The following RAD54L variants were observed in gnomAD, a reference collection of about 807,000 sequenced individuals.
RAD54L encodes DNA repair and recombination protein RAD54-like.
Under a neutral mutation model 91.6 loss-of-function variants are expected in RAD54L, and 74 were observed. The ratio of observed to expected loss-of-function variants is 0.81; its 90% CI spans 0.67 to 0.98. The LOEUF (loss-of-function observed/expected upper bound fraction) is 0.98. Among genes scored for constraint, RAD54L ranks in the 50% least tolerant of loss-of-function variants. RAD54L has a pLI of 0.00. For synonymous variants in RAD54L, 304 were observed against 349.7 expected (o/e 0.87, Z 1.46); for missense variants, 887 against 945.7 (o/e 0.94, Z 0.81).
At chr1:46,268,095 C>T (rs1462875248) in intron 9 of RAD54L, among the ~76,000 whole-genome samples, 1 of 152,044 alleles carries the variant, frequency 6.6e-6, no homozygotes, top group East Asian at 1.9e-4. Context: ...AAAATCTACC[C>T]AATAACTCCT....
At position 46,263,725 on chromosome 1, in the gene RAD54L, A is replaced by G. The variant is rs562998042; in HGVS notation, c.891+2340A>G. Among the ~76,000 whole-genome samples the G allele has an allele frequency of 5.9e-5, 9 of 152,102 alleles. No homozygotes were observed. Among genetic ancestry groups the G allele is most frequent in the Non-Finnish European group, 1.3e-4 (9 of 68,012 alleles). ...GGGACTATGCCAGGAGCCAGGTCCAAAGCATTGTGGGAGAGGAAGGCAGGC... is the reference window on the plus strand; with the variant it reads ...GGGACTATGCCAGGAGCCAGGTCCAGAGCATTGTGGGAGAGGAAGGCAGGC... On this transcript the variant is annotated intron_variant, in intron 8 of 17. Transcript: ENST00000371975. The surrounding 1 kb of genome is among the most constrained non-coding windows in gnomAD (Gnocchi z 4.3).
rs201470536 is a variant in RAD54L, at chr1:46,253,984, C to CT, written c.210+3873dup. Among the ~76,000 whole-genome samples the CT allele has an allele frequency of 1.2e-4, 18 of 151,086 alleles. 1 individual carries two copies. Among genetic ancestry groups the CT allele is most frequent in the Admixed American group, 7.9e-4 (12 of 15,164 alleles). Reference sequence around the variant, plus strand: ...GCAGTCTTTTTTGTTTTTGTTTTTTCTTTTTTTTGATAGGGAGTCTTGCTC... The same window carrying CT: ...GCAGTCTTTTTTGTTTTTGTTTTTTCTTTTTTTTTGATAGGGAGTCTTGCTC... On this transcript the variant is annotated intron_variant, in intron 3 of 17. Transcript: ENST00000371975.
Position 46,261,344 on chromosome 1 carries a change from G to A in RAD54L, c.850G>A (p.Val284Ile). The change falls in exon 8 of 18, where the codon GTC (valine) becomes ATC (isoleucine). Residue 284 changes from valine (V) to isoleucine (I), a missense_variant. Val to Ile is a conservative substitution (Grantham distance 29). Transcript: ENST00000371975. ...TGAGACCTTCCGCCTTCATGTTGGA[G>A]TCCTCCAGAAAGGAAGTGTTGGTCT... ...SYETFRLHVG[V>I]LQKGSVGLVI... The A allele has an allele frequency of 6.2e-7, 1 of 1,613,974 alleles. No individual in the cohort carries two copies. The highest frequency in any genetic ancestry group is 1.1e-5 in the South Asian group (1 of 91,066).
Position 46,248,307 on chromosome 1 carries a change from C to T in RAD54L, c.-99C>T, listed in dbSNP as rs1571708219. The T allele has an allele frequency of 7.0e-7, 1 of 1,426,292 alleles. No homozygotes were observed. The highest frequency in any genetic ancestry group is 1.8e-5 in the Admixed American group (1 of 54,680). The allele number at this position is 1,426,292 out of a possible 1,614,324, so 88.4% of individuals were successfully genotyped here. A position where few individuals can be genotyped will look rare whatever the true frequency, so the allele number is the denominator to read the frequency against. On this transcript the variant is annotated 5_prime_UTR_variant, in exon 1 of 18. Transcript: ENST00000371975. ...CCGGTCCTCTCAATAATGTAGCAGC[C>T]CCCTCTACAGATTAGACCCTGGTCC... is the stretch of plus-strand genomic sequence containing the variant.
At chr1:46,258,827 A>G (rs957373260) in intron 4 of RAD54L, 81 bp downstream of exon 4, 8 of 1,176,360 alleles carry the variant, frequency 6.8e-6, no homozygotes, top group African/African-American at 1.5e-5. Flanking sequence ...TTTTGTAAAT[A>G]CAAGCTTAGC....
chr1:46,248,722 A>T (rs1659719185), intron 2 of RAD54L, 124 bp downstream of exon 2: 1 of 822,834 alleles, frequency 1.2e-6, no homozygotes. Flanking sequence ...ATAAACTTTT[A>T]GTGAGTACTT....
chr1:46,259,172 CTCTCT>C (rs1268374651), intron 4 of RAD54L, among the ~76,000 whole-genome samples: 3 of 151,688 alleles, frequency 2.0e-5, no homozygotes, highest in Admixed American at 6.6e-5. Context: ...CTTTCTCTCT[CTCTCT>C]TTTTTTTTTT....
chr1:46,262,798 C>G (rs765147749), intron 8 of RAD54L, among the ~76,000 whole-genome samples: 8 of 152,032 alleles, frequency 5.3e-5, no homozygotes, highest in Non-Finnish European at 1.2e-4. Flanking sequence ...CTTAGCTTTT[C>G]CCTTTGGCAT....
intron 3 of RAD54L, among the ~76,000 whole-genome samples, chr1:46,257,143 CAA>C (rs576146179): frequency 0.021 from 1,129 of 54,350 alleles, 5 homozygotes; most frequent in African/African-American, 0.06. Flanking sequence ...GACTCCATCT[CAA>C]AAAAAAAAAA....
chr1:46,270,128 G>C (rs1660379875), intron 9 of RAD54L, among the ~76,000 whole-genome samples: 1 of 151,988 alleles, frequency 6.6e-6, no homozygotes, highest in African/African-American at 2.4e-5. Context: ...CCAGCACTTT[G>C]GGAGGCTGAG....
At chr1:46,249,883 C>T in intron 2 of RAD54L, 117 bp from the exon 3 acceptor site, 5 of 1,079,606 alleles carry the variant, frequency 4.6e-6, no homozygotes, top group Non-Finnish European at 7.0e-6. Context: ...TACACTATGA[C>T]ATGTGTGAAG....
At position 46,263,576 on chromosome 1, in the gene RAD54L, C is replaced by A. The variant is rs1359025428; in HGVS notation, c.891+2191C>A. 6.6e-6 allele frequency among the ~76,000 whole-genome samples: 1 copy of A among 152,100 alleles called. No individual in the cohort carries two copies. The highest frequency in any genetic ancestry group is 1.5e-5 in the Non-Finnish European group (1 of 68,016). On this transcript the variant is annotated intron_variant, in intron 8 of 17. Coordinates refer to ENST00000371975, the MANE Select transcript of RAD54L (RefSeq NM_003579.4). The surrounding 1 kb of genome is among the most constrained non-coding windows in gnomAD (Gnocchi z 4.3). ...AGTTGTGAGCTATTTTCTGGTCAGT[C>A]ATTGGCGGGTCTTCAAACTCCCAAC...
rs930986495 is a variant in RAD54L, at chr1:46,260,733, A to G, written c.484A>G (p.Lys162Glu). 1 of 1,614,220 alleles carries G rather than the reference A, an allele frequency of 6.2e-7. No individual in the cohort carries two copies. The highest frequency in any genetic ancestry group is 1.1e-5 in the South Asian group (1 of 91,090). ...VLRPHQREGV[K>E]FLWECVTSRR... ...GAAGGCTGTTATTCTCTAGGGAGTG[A>G]AATTCCTGTGGGAGTGTGTCACCAG... The change falls in exon 7 of 18, where the codon AAA becomes GAA. Residue 162 changes from lysine to glutamate, a missense_variant. Coordinates refer to ENST00000371975, the MANE Select transcript of RAD54L (RefSeq NM_003579.4).
intron 16 of RAD54L, chr1:46,277,559 G>A (rs1000072834): frequency 3.8e-5 from 20 of 523,340 alleles, no homozygotes; most frequent in Non-Finnish European, 5.5e-5. Context: ...TCACCCTGAC[G>A]GGATTTAGCC....
rs974261438 is a variant in RAD54L at position 46,265,996 on chromosome 1, G to A, written c.892-1463G>A. Among the ~76,000 whole-genome samples the A allele has an allele frequency of 7.9e-5, 12 of 152,160 alleles. No homozygotes were observed. Among genetic ancestry groups the A allele is most frequent in the African/African-American group, 2.7e-4 (11 of 41,434 alleles). On this transcript the variant is annotated intron_variant, in intron 8 of 17. Coordinates refer to ENST00000371975, the MANE Select transcript of RAD54L (RefSeq NM_003579.4). This position sits in a 1 kb window ranked among gnomAD's most constrained non-coding sequence, Gnocchi z 4.8. ...AGTACCATGCCTACCACATTAAACG[G>A]GTTCACTAAATAGTAGCAGCCATTA...
rs17102093 is a variant in RAD54L at position 46,272,726 on chromosome 1, G to A, written c.1299G>A (p.Pro433=). The change falls in exon 12 of 18, where the codon CCG becomes CCA. Residue 433 remains proline (P), a synonymous_variant. Coordinates refer to ENST00000371975, the MANE Select transcript of RAD54L (RefSeq NM_003579.4). The stretch of plus-strand genomic sequence containing the variant: ...AGAGGTTTCTGAGACAAGCCAAACC[G>A]GCAGAAGAATTGCTTGAGGGCAAGA... The part of the protein sequence containing the change: ...LYKRFLRQAK[P]AEELLEGKMS... 1.2e-3 allele frequency: 1,976 copies of A among 1,614,106 alleles called. 23 individuals are homozygous for A. In the South Asian group the frequency reaches 0.013, roughly 11 times the overall value.
chr1:46,260,710 A>G lies in RAD54L; in HGVS notation c.478-17A>G. 1 of 1,614,200 alleles carries G rather than the reference A, an allele frequency of 6.2e-7. No homozygotes were observed. Among genetic ancestry groups the G allele is most frequent in the South Asian group, 1.1e-5 (1 of 91,090 alleles). ...CAGCGTAGGTGCCAAAGTGGACTGA[A>G]GGCTGTTATTCTCTAGGGAGTGAAA... On this transcript the variant is annotated splice_polypyrimidine_tract_variant and intron_variant, in intron 6 of 17. Transcript: ENST00000371975.
chr1:46,278,196 C>G lies in RAD54L; in HGVS notation c.2158C>G (p.Leu720Val), dbSNP rs1241123511. 2 of 1,613,844 alleles carry G rather than the reference C, an allele frequency of 1.2e-6. No individual in the cohort carries two copies. The highest frequency in any genetic ancestry group is 3.3e-5 in the Admixed American group (2 of 59,980). Residue 720 changes from leucine (L) to valine (V), a missense_variant, in exon 18 of 18, where the codon CTC becomes GTC. By Grantham distance (32) the Leu-to-Val change is conservative. Transcript: ENST00000371975. ...TDKWGLRDEV[L>V]QAAWDAASTA... ...TAAGTGGGGGCTCCGGGATGAGGTA[C>G]TCCAGGCTGCCTGGGATGCTGCCTC...
rs1473824573 is a variant in RAD54L, at chr1:46,278,063, T to C, written c.2034-9T>C. ...CTGTAGTGACTTCAGCTGTGCCTTC[T>C]GTCCCTAGGTTGCACTGCCGACGTT... On this transcript the variant is annotated splice_polypyrimidine_tract_variant and intron_variant, in intron 17 of 17. Transcript: ENST00000371975. The C allele has an allele frequency of 3.1e-6, 5 of 1,614,058 alleles. No homozygotes were observed. In the African/African-American group the frequency reaches 4.0e-5, roughly 13 times the overall value.
Sources: gnomAD v4.1 joint callset for allele counts (sites outside exome capture counted in the v4.1 genomes callset) on GRCh38, gnomAD v4.1.1 for gene constraint, Gnocchi (gnomAD v3.1) non-coding constraint, MANE v1.5 for transcripts, NCBI Gene and HGNC (gene_info 2026-07-23, HGNC 2026-07-21) for gene names.